The following PHACTR2 variants were observed in gnomAD, a reference collection of about 807,000 sequenced individuals.
The protein encoded by PHACTR2 is phosphatase and actin regulator 2, also known as chromosome 6 open reading frame 56.
Under a neutral mutation model 76.0 loss-of-function variants are expected in PHACTR2, and 30 were observed. The observed-to-expected ratio is 0.39, with a 90% confidence interval of 0.30 to 0.54. PHACTR2 has a LOEUF of 0.54. Ranked by LOEUF, PHACTR2 falls within the 20% of genes least tolerant of loss-of-function variation. The pLI, the probability that PHACTR2 is intolerant of heterozygous loss-of-function variation, is 0.61. For missense variants in PHACTR2, 696 were observed against 781.1 expected, an observed-to-expected ratio of 0.89 and a Z score of 1.30; for synonymous variants, 292 against 292.5, an observed-to-expected ratio of 1.00 and a Z score of 0.02.
At position 143,813,970 on chromosome 6, in the gene PHACTR2, T is replaced by C. The variant is rs9373404; in HGVS notation, c.1922+6837T>C. On this transcript the variant is annotated intron_variant, in intron 12 of 12. Transcript: ENST00000440869. The stretch of plus-strand genomic sequence containing the variant: ...GTGACTGGAATCCTTACTGATAACA[T>C]AGTCAATCAACACATATTTTGTATG... Among the ~76,000 whole-genome samples the C allele has an allele frequency of 5.2e-4, 79 of 152,350 alleles. 1 individual carries two copies. In the East Asian group the frequency reaches 0.015, roughly 29 times the overall value.
chr6:143,644,284 G>A (rs1023931985), intron 1 of PHACTR2, among the ~76,000 whole-genome samples: 6 of 152,112 alleles, frequency 3.9e-5, no homozygotes, highest in African/African-American at 7.2e-5. Context: ...TGGCTAACAC[G>A]GTGAAACCCC....
rs1274830297 is a variant in PHACTR2 at position 143,750,265 on chromosome 6, A to T, written c.295+1200A>T. Among the ~76,000 whole-genome samples the T allele has an allele frequency of 6.6e-6, 1 of 152,154 alleles. No homozygotes were observed. The highest frequency in any genetic ancestry group is 2.4e-5 in the African/African-American group (1 of 41,446). The stretch of plus-strand genomic sequence containing the variant: ...TTACTCTACTTTATGAATGAATTTT[A>T]TGTTTTCCCTGTTTTTCTATTATTT... On this transcript the variant is annotated intron_variant, in intron 3 of 12. Coordinates refer to ENST00000440869, the MANE Select transcript of PHACTR2 (RefSeq NM_001100164.2). The surrounding 1 kb of genome is among the most constrained non-coding windows in gnomAD (Gnocchi z 4.6).
intron 1 of PHACTR2, among the ~76,000 whole-genome samples, chr6:143,665,134 T>C (rs1489012252): frequency 1.3e-5 from 2 of 152,218 alleles, no homozygotes; most frequent in Non-Finnish European, 2.9e-5. Context: ...GAATATCCTG[T>C]AGATGTTTTC....
rs1018488990 is a variant in PHACTR2, at chr6:143,654,909, G to T, written c.13+46587G>T. On this transcript the variant is annotated intron_variant, in intron 1 of 11. Transcript: ENST00000305766. This position sits in a 1 kb window ranked among gnomAD's most constrained non-coding sequence, Gnocchi z 4.6. ...ACTGTGGCTCACGCCTGTAATCCCAGCACTTTGGGAGGCCGAGGTGGGTGG... is the reference window on the plus strand; with the variant it reads ...ACTGTGGCTCACGCCTGTAATCCCATCACTTTGGGAGGCCGAGGTGGGTGG... 6.6e-6 allele frequency among the ~76,000 whole-genome samples: 1 copy of T among 152,288 alleles called. No individual in the cohort carries two copies. Among genetic ancestry groups the T allele is most frequent in the Admixed American group, 6.5e-5 (1 of 15,306 alleles).
rs189310251 is a variant in PHACTR2, at chr6:143,694,579, A to C, written c.46+16370A>C. Among the ~76,000 whole-genome samples, 170 of 152,288 alleles carry C rather than the reference A, an allele frequency of 1.1e-3. 1 individual carries two copies. The Middle Eastern group carries it at 0.017, about 15-fold the overall frequency. On this transcript the variant is annotated intron_variant, in intron 1 of 12. Coordinates refer to ENST00000440869, the MANE Select transcript of PHACTR2 (RefSeq NM_001100164.2). ...CTGTGTTTGGTTTTGCTGGCTCTGT[A>C]TGCTTTCATTGTCTTAGATGTGTTT...
chr6:143,802,634 C>G (rs1382504566), intron 11 of PHACTR2, among the ~76,000 whole-genome samples: 1 of 106,930 alleles, frequency 9.4e-6, no homozygotes, highest in African/African-American at 3.6e-5. Context: ...GGTGACAGAA[C>G]AAGACCCTGT....
In PHACTR2 at chr6:143,683,690, C is replaced by T. The variant is rs1049652597; in HGVS notation, c.46+5481C>T. 2.0e-5 allele frequency among the ~76,000 whole-genome samples: 3 copies of T among 152,170 alleles called. No individual in the cohort carries two copies. The highest frequency in any genetic ancestry group is 2.9e-5 in the Non-Finnish European group (2 of 68,032). On this transcript the variant is annotated intron_variant, in intron 1 of 12. Transcript: ENST00000440869. This position sits in a 1 kb window ranked among gnomAD's most constrained non-coding sequence, Gnocchi z 4.1. ...GAATATTTATCCATTTCCTTGTAAACCAGGCACAGGAAGAGGTCCTAAAGG... is the reference window on the plus strand; with the variant it reads ...GAATATTTATCCATTTCCTTGTAAATCAGGCACAGGAAGAGGTCCTAAAGG...
At chr6:143,705,759 TG>T (rs1442480300) in intron 1 of PHACTR2, among the ~76,000 whole-genome samples, 17 of 152,334 alleles carry the variant, frequency 1.1e-4, no homozygotes, top group African/African-American at 3.8e-4. Context: ...AGCTTATCAC[TG>T]GTGATGTGAA....
intron 7 of PHACTR2, among the ~76,000 whole-genome samples, chr6:143,773,267 T>C (rs1438226642): frequency 1.3e-5 from 2 of 152,110 alleles, no homozygotes; most frequent in Non-Finnish European, 2.9e-5. Flanking sequence ...AAAAAAATCA[T>C]ACTTCCACAA....
Position 143,827,467 on chromosome 6 carries a change from C to A in PHACTR2, c.*3778C>A, listed in dbSNP as rs528376709. ...TTCAGTCTGTTATTATTTTTAAGTG[C>A]CCCTTGCTGCAAATTTCAAACAGAG... On this transcript the variant is annotated 3_prime_UTR_variant, in exon 13 of 13. Transcript: ENST00000440869. 3 of 151,856 alleles carry A rather than the reference C, an allele frequency of 2.0e-5. No individual in the cohort carries two copies. In the East Asian group the frequency reaches 5.8e-4, roughly 29 times the overall value. 9.4% of individuals were successfully genotyped at this position (151,856 alleles called of 1,614,324 possible). A position where few individuals can be genotyped will look rare whatever the true frequency, so the allele number is the denominator to read the frequency against.
Position 143,751,797 on chromosome 6 carries a change from C to CACAT in PHACTR2, c.296-1954_296-1953insTACA. 6.6e-6 allele frequency among the ~76,000 whole-genome samples: 1 copy of CACAT among 150,970 alleles called. No individual in the cohort carries two copies. Among genetic ancestry groups the CACAT allele is most frequent in the African/African-American group, 2.4e-5 (1 of 41,082 alleles). On this transcript the variant is annotated intron_variant, in intron 3 of 12. Transcript: ENST00000440869. The surrounding 1 kb of genome is among the most constrained non-coding windows in gnomAD (Gnocchi z 5.7). ...GCTCTGCTTGTATTTTACTTACACA[C>CACAT]ACACACACACACACACACACACACA...
chr6:143,630,489 G>A (rs1469593979), intron 1 of PHACTR2, among the ~76,000 whole-genome samples: 1 of 152,066 alleles, frequency 6.6e-6, no homozygotes, highest in African/African-American at 2.4e-5. Context: ...AATTAAAAGT[G>A]TTGTGATAAC....
Position 143,818,287 on chromosome 6 carries a change from T to C in PHACTR2, c.1923-5387T>C, listed in dbSNP as rs1407261701. On this transcript the variant is annotated intron_variant, in intron 12 of 12. Coordinates refer to ENST00000440869, the MANE Select transcript of PHACTR2 (RefSeq NM_001100164.2). This position sits in a 1 kb window ranked among gnomAD's most constrained non-coding sequence, Gnocchi z 4.9. ...ATGAAGACATGTTTTGATCTCATACTGAAATGTAGGTTAGGAAGACAGTCT... is the reference window on the plus strand; with the variant it reads ...ATGAAGACATGTTTTGATCTCATACCGAAATGTAGGTTAGGAAGACAGTCT... Among the ~76,000 whole-genome samples the C allele has an allele frequency of 2.0e-5, 3 of 152,150 alleles. No individual in the cohort carries two copies. The highest frequency in any genetic ancestry group is 4.4e-5 in the Non-Finnish European group (3 of 68,032).
At position 143,731,148 on chromosome 6, in the gene PHACTR2, C is replaced by G. The variant is rs916993910; in HGVS notation, c.215-17837C>G. On this transcript the variant is annotated intron_variant, in intron 2 of 12. Transcript: ENST00000440869. The surrounding 1 kb of genome is among the most constrained non-coding windows in gnomAD (Gnocchi z 4.9). ...TATTATGAATAGATATTGGATTTCT[C>G]AAACGCATTTTTCTGGATCAATTGA... is the stretch of plus-strand genomic sequence containing the variant. Among the ~76,000 whole-genome samples, 1 of 152,200 alleles carries G rather than the reference C, an allele frequency of 6.6e-6. No individual in the cohort carries two copies. Among genetic ancestry groups the G allele is most frequent in the Admixed American group, 6.5e-5 (1 of 15,276 alleles).
rs1778117320 is a variant in PHACTR2 at position 143,709,306 on chromosome 6, C to T, written c.47-2710C>T. Among the ~76,000 whole-genome samples, 1 of 152,152 alleles carries T rather than the reference C, an allele frequency of 6.6e-6. No homozygotes were observed. Among genetic ancestry groups the T allele is most frequent in the Admixed American group, 6.5e-5 (1 of 15,278 alleles). On this transcript the variant is annotated intron_variant, in intron 1 of 12. Transcript: ENST00000440869. This position sits in a 1 kb window ranked among gnomAD's most constrained non-coding sequence, Gnocchi z 4.4. ...TTTCCCTAGCAATGCACAGTGTCTGCCCATCTCTGCCCAGATAGTACCTGA... is the reference window on the plus strand; with the variant it reads ...TTTCCCTAGCAATGCACAGTGTCTGTCCATCTCTGCCCAGATAGTACCTGA...
intron 10 of PHACTR2, among the ~76,000 whole-genome samples, chr6:143,788,278 T>C (rs148985565): frequency 7.2e-5 from 11 of 152,338 alleles, no homozygotes; most frequent in African/African-American, 2.4e-4. Context: ...AGCTGTGCTG[T>C]AGGCACACCC....
rs1777754742 is a variant in PHACTR2, at chr6:143,695,619, G to C, written c.47-16397G>C. Among the ~76,000 whole-genome samples, 2 of 152,164 alleles carry C rather than the reference G, an allele frequency of 1.3e-5. No homozygotes were observed. The highest frequency in any genetic ancestry group is 2.9e-5 in the Non-Finnish European group (2 of 68,032). ...AAGGTTCCTGCTAGATCTTTAAAAG[G>C]GAAGGGCAGAATAAACAGAGGGCCC... On this transcript the variant is annotated intron_variant, in intron 1 of 12. Coordinates refer to ENST00000440869, the MANE Select transcript of PHACTR2 (RefSeq NM_001100164.2). The surrounding 1 kb of genome is among the most constrained non-coding windows in gnomAD (Gnocchi z 4.4).
At position 143,610,898 on chromosome 6, in the gene PHACTR2, C is replaced by T. The variant is rs373074672; in HGVS notation, c.13+2576C>T. Among the ~76,000 whole-genome samples, 22 of 152,102 alleles carry T rather than the reference C, an allele frequency of 1.4e-4. No individual in the cohort carries two copies. The East Asian group carries it at 4.2e-3, about 29-fold the overall frequency. ...CAATTTTAGCAATATCTAACATTTT[C>T]TTCTTTTTTTTTCAAATGGCTATTT... On this transcript the variant is annotated intron_variant, in intron 1 of 11. Transcript: ENST00000305766. The surrounding 1 kb of genome is among the most constrained non-coding windows in gnomAD (Gnocchi z 4.9).
intron 1 of PHACTR2, among the ~76,000 whole-genome samples, chr6:143,631,472 G>A (rs921194971): frequency 5.3e-5 from 8 of 152,100 alleles, no homozygotes; most frequent in East Asian, 3.9e-4. Flanking sequence ...GGGATTAGAC[G>A]CCTGAGCCAC....
Sources: gnomAD v4.1 joint callset for allele counts (sites outside exome capture counted in the v4.1 genomes callset) on GRCh38, gnomAD v4.1.1 for gene constraint, Gnocchi (gnomAD v3.1) non-coding constraint, MANE v1.5 for transcripts, NCBI Gene and HGNC (gene_info 2026-07-23, HGNC 2026-07-21) for gene names.